Variants in RBFOX1 observed in about 807,000 individuals in gnomAD.
RBFOX1 encodes RNA binding fox-1 homolog 1.
Under a neutral mutation model 57.7 loss-of-function variants are expected in RBFOX1, and 8 were observed. The ratio of observed to expected loss-of-function variants is 0.14; its 90% CI spans 0.08 to 0.25. The LOEUF (loss-of-function observed/expected upper bound fraction) is 0.25. RBFOX1 is among the 10% of genes least tolerant of loss of function. The probability of loss-of-function intolerance (pLI) is 1.00; values close to 1 mark genes in which losing one functional copy is unlikely to be tolerated. For missense variants in RBFOX1, 611 were observed against 548.5 expected, an observed-to-expected ratio of 1.11 and a Z score of -1.14; for synonymous variants, 326 against 222.4, an observed-to-expected ratio of 1.47 and a Z score of -4.15.
intron 3 of RBFOX1, among the ~76,000 whole-genome samples, chr16:6,859,601 G>T (rs913274009): frequency 2.0e-5 from 3 of 152,020 alleles, no homozygotes; most frequent in Admixed American, 2.0e-4. Flanking sequence ...ATGCTTCAGA[G>T]ATCTTCCTGC....
At chr16:6,951,543 G>A (rs2080762028) in intron 3 of RBFOX1, among the ~76,000 whole-genome samples, 1 of 152,082 alleles carries the variant, frequency 6.6e-6, no homozygotes, top group East Asian at 1.9e-4. Context: ...GTAGGAGCAG[G>A]AATATTGGGG....
rs1218276329 is a variant in RBFOX1, at chr16:6,780,338, C to G, written c.-16+125688C>G. On this transcript the variant is annotated intron_variant, in intron 3 of 15. Coordinates refer to ENST00000550418, the MANE Select transcript of RBFOX1 (RefSeq NM_018723.4). Reference sequence around the variant, plus strand: ...TTATTCATATTTATATATATTTATACATATTTATATACATATTTATATACA... The same window carrying G: ...TTATTCATATTTATATATATTTATAGATATTTATATACATATTTATATACA... Among the ~76,000 whole-genome samples the G allele has an allele frequency of 1.1e-4, 8 of 73,524 alleles. 1 individual carries two copies. The highest frequency in any genetic ancestry group is 8.1e-5 in the Non-Finnish European group (4 of 49,094). 48.2% of individuals were successfully genotyped at this position (73,524 alleles called of 152,430 possible).
intron 1 of RBFOX1, among the ~76,000 whole-genome samples, chr16:5,422,258 G>A (rs1167812963): frequency 2.1e-5 from 3 of 145,828 alleles, no homozygotes; most frequent in African/African-American, 5.1e-5. Flanking sequence ...GGGAGAGGGA[G>A]GAGGAGCAGG....
chr16:7,571,082 C>T (rs559306432), intron 5 of RBFOX1, among the ~76,000 whole-genome samples: 8 of 152,128 alleles, frequency 5.3e-5, no homozygotes, highest in African/African-American at 1.4e-4. Context: ...GGGGAAGGGG[C>T]GAAGGGAGAG....
chr16:6,913,140 GTTT>G (rs146196823), intron 3 of RBFOX1, among the ~76,000 whole-genome samples: 2 of 152,040 alleles, frequency 1.3e-5, no homozygotes, highest in Admixed American at 1.3e-4. Flanking sequence ...AAGAAGACAC[GTTT>G]TTTTGTTTTG....
chr16:7,209,778 G>C lies in RBFOX1; in HGVS notation c.27+157680G>C, dbSNP rs574333188. 9.9e-5 allele frequency among the ~76,000 whole-genome samples: 15 copies of C among 152,260 alleles called. No individual in the cohort carries two copies. In the South Asian group the frequency reaches 3.1e-3, roughly 32 times the overall value. ...AGTCATCATTGCCCAGGGGCGTTCT[G>C]TTGTGTTCAGCCAAATGTTGAATGA... is the stretch of plus-strand genomic sequence containing the variant. On this transcript the variant is annotated intron_variant, in intron 4 of 15. Coordinates refer to ENST00000550418, the MANE Select transcript of RBFOX1 (RefSeq NM_018723.4).
At chr16:6,601,031 T>A (rs2154006855) in intron 2 of RBFOX1, among the ~76,000 whole-genome samples, 1 of 152,140 alleles carries the variant, frequency 6.6e-6, no homozygotes, top group East Asian at 1.9e-4. Context: ...GGTAGAGGAA[T>A]GAAAGAAAAA....
intron 3 of RBFOX1, among the ~76,000 whole-genome samples, chr16:6,735,146 CTCAACAAAAACAACAACAACA>C (rs2069792544): frequency 1.3e-5 from 2 of 152,078 alleles, no homozygotes; most frequent in Non-Finnish European, 2.9e-5. Context: ...GAGACCCTGT[CTCAACAAAAACAACAACAACA>C]TCAACAACAA....
rs1255944361 is a variant in RBFOX1, at chr16:5,947,062, A to G, written c.351+79727A>G. On this transcript the variant is annotated intron_variant, in intron 4 of 19. Coordinates refer to the RBFOX1 transcript ENST00000641259. The surrounding 1 kb of genome is among the most constrained non-coding windows in gnomAD (Gnocchi z 7.2). ...CCCCATCTGTACAAAATAAAGTGAA[A>G]ATAAAATCATCCCATGTGGTTGTGC... 6.6e-6 allele frequency among the ~76,000 whole-genome samples: 1 copy of G among 152,176 alleles called. No individual in the cohort carries two copies. Among genetic ancestry groups the G allele is most frequent in the African/African-American group, 2.4e-5 (1 of 41,452 alleles).
At position 6,643,390 on chromosome 16, in the gene RBFOX1, T is replaced by C. The variant is rs538665689; in HGVS notation, c.-63-11213T>C. On this transcript the variant is annotated intron_variant, in intron 2 of 15. Coordinates refer to ENST00000550418, the MANE Select transcript of RBFOX1 (RefSeq NM_018723.4). ...CTATTCTTCATGTATTCAAGTAAAC[T>C]GATTTGAATCTTGGTTTTTGTTTGT... is the stretch of plus-strand genomic sequence containing the variant. 4.7e-5 allele frequency among the ~76,000 whole-genome samples: 7 copies of C among 150,012 alleles called. No homozygotes were observed. The South Asian group carries it at 1.5e-3, about 33-fold the overall frequency.
intron 4 of RBFOX1, among the ~76,000 whole-genome samples, chr16:7,211,101 A>G (rs2091036102): frequency 6.9e-6 from 1 of 145,038 alleles, no homozygotes; most frequent in African/African-American, 2.6e-5. Context: ...AAAAAAAAAA[A>G]GGACTCTGGG....
intron 3 of RBFOX1, among the ~76,000 whole-genome samples, chr16:7,017,567 G>A (rs557685257): frequency 6.6e-6 from 1 of 152,302 alleles, no homozygotes; most frequent in African/African-American, 2.4e-5. Flanking sequence ...GTGTTTTATA[G>A]ACGACTGCAA....
intron 4 of RBFOX1, among the ~76,000 whole-genome samples, chr16:7,300,014 G>A (rs930312553): frequency 9.9e-5 from 15 of 152,142 alleles, no homozygotes; most frequent in African/African-American, 2.2e-4. Flanking sequence ...TGGAAGGAGC[G>A]GGATGCAAGA....
In RBFOX1 at chr16:5,630,583, G is replaced by A. The variant is rs187265743; in HGVS notation, c.318+31622G>A. Among the ~76,000 whole-genome samples the A allele has an allele frequency of 2.0e-5, 3 of 152,268 alleles. No homozygotes were observed. In the East Asian group the frequency reaches 5.8e-4, roughly 29 times the overall value. On this transcript the variant is annotated intron_variant, in intron 3 of 19. Transcript: ENST00000641259. Reference sequence around the variant, plus strand: ...ACGTCAGGACCTTCAGAGCACTGGCGGGTGGCTTTCATGATACTCTTGATG... The same window carrying A: ...ACGTCAGGACCTTCAGAGCACTGGCAGGTGGCTTTCATGATACTCTTGATG...
Position 6,136,015 on chromosome 16 carries a change from G to A in RBFOX1, c.-127+116023G>A, listed in dbSNP as rs1386927728. Among the ~76,000 whole-genome samples the A allele has an allele frequency of 3.3e-5, 5 of 151,910 alleles. No individual in the cohort carries two copies. In the East Asian group the frequency reaches 9.7e-4, roughly 29 times the overall value. ...TCACCATGTCGGCCAGGCTGGTCTC[G>A]AACTCCTGACCTCAAGTGATCTGCT... On this transcript the variant is annotated intron_variant, in intron 1 of 15. Coordinates refer to ENST00000550418, the MANE Select transcript of RBFOX1 (RefSeq NM_018723.4).
chr16:7,445,738 T>C (rs187633748), intron 4 of RBFOX1, among the ~76,000 whole-genome samples: 1 of 152,206 alleles, frequency 6.6e-6, no homozygotes, highest in Non-Finnish European at 1.5e-5. Flanking sequence ...TGTTTTTGTT[T>C]TGTCTTTTCA....
chr16:7,249,571 A>C (rs2094434862), intron 4 of RBFOX1, among the ~76,000 whole-genome samples: 1 of 151,134 alleles, frequency 6.6e-6, no homozygotes, highest in African/African-American at 2.4e-5. Context: ...ATATATTATG[A>C]AAATTTCCTT....
rs1003980720 is a variant in RBFOX1, at chr16:7,640,195, T to A, written c.757+9512T>A. On this transcript the variant is annotated intron_variant, in intron 11 of 15. Coordinates refer to ENST00000550418, the MANE Select transcript of RBFOX1 (RefSeq NM_018723.4). ...TGTGTTGTTTCTTTGGCTGTCATAA[T>A]CATAACCCACTTTGTTGTTTGTCCT... Among the ~76,000 whole-genome samples the A allele has an allele frequency of 1.1e-4, 17 of 152,214 alleles. 1 individual carries two copies. Among genetic ancestry groups the A allele is most frequent in the Admixed American group, 7.9e-4 (12 of 15,280 alleles).
intron 4 of RBFOX1, among the ~76,000 whole-genome samples, chr16:7,116,238 A>G (rs2065877182): frequency 1.3e-5 from 2 of 152,122 alleles, no homozygotes; most frequent in Non-Finnish European, 2.9e-5. Flanking sequence ...ATATAGAGAG[A>G]AAGCCCATGC....
Sources: gnomAD v4.1 joint callset for allele counts (sites outside exome capture counted in the v4.1 genomes callset) on GRCh38, gnomAD v4.1.1 for gene constraint, Gnocchi (gnomAD v3.1) non-coding constraint, MANE v1.5 for transcripts, NCBI Gene and HGNC (gene_info 2026-07-23, HGNC 2026-07-21) for gene names.